AIF1L: variants seen among roughly 807,000 people sequenced by gnomAD.
AIF1L encodes the protein allograft inflammatory factor 1-like.
In AIF1L, 12 loss-of-function variants were observed where a neutral mutation model predicts 20.7. The observed-to-expected ratio is 0.58, with a 90% CI of 0.37 to 0.94. AIF1L has a LOEUF of 0.94. Among genes scored for constraint, AIF1L ranks in the 40% least tolerant of loss-of-function variants. The probability of loss-of-function intolerance (pLI) is 0.01; values close to 1 mark genes in which losing one functional copy is unlikely to be tolerated. For missense variants in AIF1L, 173 were observed against 185.3 expected, an observed-to-expected ratio of 0.93 and a Z score of 0.39; for synonymous variants, 76 against 65.1, an observed-to-expected ratio of 1.17 and a Z score of -0.81.
At chr9:131,115,196 T>C (rs1017532635) in intron 4 of AIF1L, among the ~76,000 whole-genome samples, 1 of 152,132 alleles carries the variant, frequency 6.6e-6, no homozygotes, top group African/African-American at 2.4e-5. Flanking sequence ...AAGCCTGTAA[T>C]CCCAGCACTT....
chr9:131,103,722 T>G (rs139227543), intron 2 of AIF1L, among the ~76,000 whole-genome samples: 332 of 152,370 alleles, frequency 2.2e-3, no homozygotes, highest in Admixed American at 0.016. Flanking sequence ...TGATCCCATT[T>G]GATAGATAAG....
intron 2 of AIF1L, among the ~76,000 whole-genome samples, chr9:131,104,126 T>G (rs1416234041): frequency 6.6e-6 from 1 of 152,154 alleles, no homozygotes; most frequent in African/African-American, 2.4e-5. Context: ...CCTGCCCGCT[T>G]GCATTTCCTG....
At chr9:131,119,173 CCCA>C (rs1485578612) in intron 5 of AIF1L, among the ~76,000 whole-genome samples, 1 of 9,188 alleles carries the variant, frequency 1.1e-4, no homozygotes, top group Non-Finnish European at 3.3e-3. Flanking sequence ...ACAGCATTGC[CCCA>C]GGGCAGTCTC....
At chr9:131,109,333 C>T (rs910473687) in intron 2 of AIF1L, among the ~76,000 whole-genome samples, 3 of 151,848 alleles carry the variant, frequency 2.0e-5, no homozygotes, top group African/African-American at 7.3e-5. Context: ...TCGAGGTGGG[C>T]GGATCACATG....
Position 131,111,613 on chromosome 9 carries a change from A to G in AIF1L, c.110A>G (p.Gln37Arg), listed in dbSNP as rs1208176198. Residue 37 changes from glutamine (Q) to arginine (R), a missense_variant, in exon 3 of 6, where the codon CAG (glutamine) becomes CGG (arginine). By Grantham distance (43) the Gln-to-Arg change is conservative. Transcript: ENST00000247291. ...CCTCTGTAGGAGTTTCTGTGTGACC[A>G]GAAGTACAGTGATGAAGAGAACCTT... ...AEINREFLCDQKYSDEENLPE... is the reference protein window; with the variant it reads ...AEINREFLCDRKYSDEENLPE... The G allele has an allele frequency of 1.2e-6, 2 of 1,614,058 alleles. No individual in the cohort carries two copies. Among genetic ancestry groups the G allele is most frequent in the South Asian group, 2.2e-5 (2 of 91,090 alleles).
At chr9:131,104,618 A>G (rs1355724341) in intron 2 of AIF1L, among the ~76,000 whole-genome samples, 1 of 151,948 alleles carries the variant, frequency 6.6e-6, no homozygotes, top group Non-Finnish European at 1.5e-5. Context: ...TAACTGGCCT[A>G]CTCCACGGGG....
chr9:131,116,146 A>G (rs903964043), intron 4 of AIF1L, among the ~76,000 whole-genome samples: 1 of 152,092 alleles, frequency 6.6e-6, no homozygotes, highest in Non-Finnish European at 1.5e-5. Flanking sequence ...TATTCTAATC[A>G]CAAAAGCTGT....
intron 4 of AIF1L, among the ~76,000 whole-genome samples, chr9:131,116,660 A>G (rs1455738478): frequency 1.3e-5 from 2 of 152,182 alleles, no homozygotes; most frequent in Non-Finnish European, 2.9e-5. Context: ...ATGCCTTCCA[A>G]TTTTAACTAT....
chr9:131,098,907 T>C (rs1195569825), intron 2 of AIF1L, among the ~76,000 whole-genome samples: 1 of 152,178 alleles, frequency 6.6e-6, no homozygotes, highest in African/African-American at 2.4e-5. Context: ...CCAGCCGCTG[T>C]AGGGCTGCTG....
intron 2 of AIF1L, 80 bp downstream of exon 2, chr9:131,096,943 G>T: frequency 7.1e-7 from 1 of 1,413,256 alleles, no homozygotes; most frequent in East Asian, 3.0e-5. Flanking sequence ...GCGAGGCCGT[G>T]CCCGCCTCCA....
At chr9:131,113,045 G>A (rs1029313877) in intron 3 of AIF1L, among the ~76,000 whole-genome samples, 14 of 152,114 alleles carry the variant, frequency 9.2e-5, no homozygotes, top group South Asian at 4.2e-4. Context: ...GCTCCCACCC[G>A]GGAGCCTGTG....
intron 2 of AIF1L, among the ~76,000 whole-genome samples, chr9:131,110,119 G>A (rs1830842021): frequency 6.6e-6 from 1 of 152,200 alleles, no homozygotes; most frequent in Admixed American, 6.5e-5. Flanking sequence ...GGCTGAGGTG[G>A]GAGGATCACT....
At chr9:131,102,995 G>C in intron 2 of AIF1L, 1 of 456,404 alleles carries the variant, frequency 2.2e-6, no homozygotes, top group Non-Finnish European at 4.4e-6. Flanking sequence ...AGAGGTACCA[G>C]CCCAGAAAGA....
chr9:131,103,402 GCA>G (rs10560408), intron 2 of AIF1L, among the ~76,000 whole-genome samples: 2,493 of 152,242 alleles, frequency 0.016, 76 homozygotes, highest in African/African-American at 0.058. Flanking sequence ...CCCTTCCCCC[GCA>G]CACACACCTG....
At chr9:131,106,988 G>A (rs1347175539) in intron 2 of AIF1L, among the ~76,000 whole-genome samples, 1 of 152,194 alleles carries the variant, frequency 6.6e-6, no homozygotes, top group Non-Finnish European at 1.5e-5. Context: ...AGCTACTGGG[G>A]AGGCTGAGGC....
rs139271942 is a variant in AIF1L at position 131,117,931 on chromosome 9, T to C, written c.365+13T>C. ...CTGTCCTCAAGTTGTGAGTACCTCC[T>C]TCCTCCCTTGGGATCTCTGAAGGCA... On this transcript the variant is annotated intron_variant, in intron 5 of 5. Coordinates refer to ENST00000247291, the MANE Select transcript of AIF1L (RefSeq NM_031426.4). 6.9e-6 allele frequency: 11 copies of C among 1,600,960 alleles called. No homozygotes were observed. The East Asian group carries it at 2.5e-4, about 36-fold the overall frequency.
chr9:131,106,848 G>C (rs140206133), intron 2 of AIF1L, among the ~76,000 whole-genome samples: 85 of 150,588 alleles, frequency 5.6e-4, no homozygotes, highest in African/African-American at 1.9e-3. Flanking sequence ...GTGATGCCAG[G>C]AATTTGGGAG....
At chr9:131,099,731 T>A (rs1181463904) in intron 2 of AIF1L, among the ~76,000 whole-genome samples, 4 of 26,710 alleles carry the variant, frequency 1.5e-4, no homozygotes, top group Non-Finnish European at 1.8e-4. Flanking sequence ...AGCCTTAGCT[T>A]TTTTTTTTTT....
intron 2 of AIF1L, among the ~76,000 whole-genome samples, chr9:131,099,487 G>A (rs982958951): frequency 1.3e-5 from 2 of 152,238 alleles, no homozygotes; most frequent in South Asian, 2.1e-4. Flanking sequence ...CCTTTGGGGT[G>A]CAGCTTCACT....
Sources: gnomAD v4.1 joint callset for allele counts (sites outside exome capture counted in the v4.1 genomes callset) on GRCh38, gnomAD v4.1.1 for gene constraint, MANE v1.5 for transcripts, NCBI Gene and HGNC (gene_info 2026-07-23, HGNC 2026-07-21) for gene names.